The following CYP20A1 variants were observed in gnomAD, a reference collection of about 807,000 sequenced individuals.
CYP20A1 encodes cytochrome P450 20A1.
CYP20A1 carries 61 observed loss-of-function variants against 61.4 expected under a neutral mutation model. The ratio of observed to expected loss-of-function variants is 0.99; its 90% CI spans 0.81 to 1.23. The LOEUF (loss-of-function observed/expected upper bound fraction) is 1.23. Ranked by LOEUF, CYP20A1 falls within the 50% of genes most tolerant of loss-of-function variation. The pLI is 0.00. For synonymous variants in CYP20A1, 193 were observed against 188.2 expected (o/e 1.03, Z -0.21); for missense variants, 530 against 542.4 (o/e 0.98, Z 0.23).
chr2:203,247,183 C>T (rs2066490719), intron 3 of CYP20A1, among the ~76,000 whole-genome samples: 1 of 152,084 alleles, frequency 6.6e-6, no homozygotes, highest in Non-Finnish European at 1.5e-5. Flanking sequence ...ATCTCTTGAA[C>T]CCCGGGGGCG....
chr2:203,250,414 G>C (rs2066616264), intron 3 of CYP20A1, among the ~76,000 whole-genome samples: 1 of 152,146 alleles, frequency 6.6e-6, no homozygotes, highest in Non-Finnish European at 1.5e-5. Context: ...GAGAGGTTAA[G>C]TTACTTGCCT....
rs578211069 is a variant in CYP20A1, at chr2:203,258,809, C to T, written c.432+6700C>T. ...TTTGCCATAGCTGTTCCTGTTACCT[C>T]TCATTTTCCTCCCTGGAGGCAGTTA... On this transcript the variant is annotated intron_variant, in intron 4 of 12. Coordinates refer to ENST00000356079, the MANE Select transcript of CYP20A1 (RefSeq NM_177538.3). Among the ~76,000 whole-genome samples, 20 of 152,288 alleles carry T rather than the reference C, an allele frequency of 1.3e-4. No individual in the cohort carries two copies. In the South Asian group the frequency reaches 4.1e-3, roughly 32 times the overall value.
At chr2:203,278,824 G>A in intron 7 of CYP20A1, 136 bp downstream of exon 7, 1 of 541,186 alleles carries the variant, frequency 1.8e-6, no homozygotes, top group Non-Finnish European at 3.3e-6. Context: ...AGGCCAACTT[G>A]GGCAATATAG....
At chr2:203,240,698 G>A (rs568310424) in intron 1 of CYP20A1, among the ~76,000 whole-genome samples, 2 of 152,272 alleles carry the variant, frequency 1.3e-5, no homozygotes, top group Admixed American at 6.5e-5. Flanking sequence ...GACACGCCTG[G>A]TGTGTTCCTG....
intron 8 of CYP20A1, among the ~76,000 whole-genome samples, chr2:203,280,584 G>A (rs1025683378): frequency 1.3e-5 from 2 of 152,178 alleles, no homozygotes; most frequent in African/African-American, 2.4e-5. Flanking sequence ...GCCTGTGGTT[G>A]CAGCCACTCG....
rs879910327 is a variant in CYP20A1 at position 203,266,416 on chromosome 2, A to G, written c.433-98A>G. On this transcript the variant is annotated intron_variant, in intron 4 of 12. Transcript: ENST00000356079. ...ACCTGAATGTTGACTTTGGTTACAG[A>G]GTTTAACTGTTTGCCATTAAATGAA... 4.8e-6 allele frequency: 5 copies of G among 1,047,738 alleles called. No individual in the cohort carries two copies. The African/African-American group carries it at 6.4e-5, about 13-fold the overall frequency. 64.9% of individuals were successfully genotyped at this position (1,047,738 alleles called of 1,614,324 possible). A position where few individuals can be genotyped will look rare whatever the true frequency, so the allele number is the denominator to read the frequency against.
intron 10 of CYP20A1, among the ~76,000 whole-genome samples, chr2:203,291,186 C>A (rs1260487168): frequency 6.6e-6 from 1 of 151,928 alleles, no homozygotes; most frequent in Non-Finnish European, 1.5e-5. Flanking sequence ...CCTCAGCTTC[C>A]CAAGTAGCTG....
chr2:203,242,480 G>T (rs1236658032), intron 1 of CYP20A1, among the ~76,000 whole-genome samples: 1 of 152,110 alleles, frequency 6.6e-6, no homozygotes, highest in African/African-American at 2.4e-5. Context: ...AGTCATAAAG[G>T]AGAAACTGAT....
intron 1 of CYP20A1, among the ~76,000 whole-genome samples, chr2:203,242,361 A>G (rs1025022532): frequency 3.9e-5 from 6 of 152,168 alleles, no homozygotes; most frequent in African/African-American, 1.4e-4. Context: ...TATCAAGTAT[A>G]GATAGCTCTT....
At position 203,303,585 on chromosome 2, in the gene CYP20A1, C is replaced by T. The variant is rs1043745433; in HGVS notation, c.*6677C>T. On this transcript the variant is annotated 3_prime_UTR_variant, in exon 13 of 13. Transcript: ENST00000356079. ...TGACAGGTGCCTCTAATCCCAGCTA[C>T]TCGGGAGGCTGAGGCAGGAGAATCG... 1.3e-5 allele frequency among the ~76,000 whole-genome samples: 2 copies of T among 151,868 alleles called. No individual in the cohort carries two copies. Among genetic ancestry groups the T allele is most frequent in the African/African-American group, 4.8e-5 (2 of 41,346 alleles).
chr2:203,296,935 A>G lies in CYP20A1; in HGVS notation c.*27A>G, dbSNP rs752749071. 10 of 1,340,104 alleles carry G rather than the reference A, an allele frequency of 7.5e-6. No individual in the cohort carries two copies. The South Asian group carries it at 9.6e-5, about 13-fold the overall frequency. 83.0% of individuals were successfully genotyped at this position (1,340,104 alleles called of 1,614,324 possible). A position where few individuals can be genotyped will look rare whatever the true frequency, so the allele number is the denominator to read the frequency against. On this transcript the variant is annotated 3_prime_UTR_variant, in exon 13 of 13. Transcript: ENST00000356079. ...ATTTTATACATTTAAAATCATTGTTAAATTGATTGAGGAAAACAACCATTT... is the reference window on the plus strand; with the variant it reads ...ATTTTATACATTTAAAATCATTGTTGAATTGATTGAGGAAAACAACCATTT...
In CYP20A1 at chr2:203,303,454, G is replaced by A. The variant is rs980958536; in HGVS notation, c.*6546G>A. ...GCCGGGCCTGTAATTCCAGCACTTT[G>A]GGAGGCCAAGGCAGGTGAATCACTT... On this transcript the variant is annotated 3_prime_UTR_variant, in exon 13 of 13. Transcript: ENST00000356079. 3.3e-5 allele frequency among the ~76,000 whole-genome samples: 5 copies of A among 152,174 alleles called. No homozygotes were observed. The highest frequency in any genetic ancestry group is 6.6e-5 in the Admixed American group (1 of 15,266).
chr2:203,305,004 C>CT lies in CYP20A1; in HGVS notation c.*8102dup, dbSNP rs1273695188. On this transcript the variant is annotated 3_prime_UTR_variant, in exon 13 of 13. Coordinates refer to ENST00000356079, the MANE Select transcript of CYP20A1 (RefSeq NM_177538.3). ...TTTTGTAAGAGCTTCAGGGAATAGG[C>CT]TTTTTTAAAGGGAATAGACTTATAG... Among the ~76,000 whole-genome samples, 6 of 151,840 alleles carry CT rather than the reference C, an allele frequency of 4.0e-5. No individual in the cohort carries two copies. Among genetic ancestry groups the CT allele is most frequent in the East Asian group, 3.9e-4 (2 of 5,176 alleles).
At chr2:203,270,709 C>T (rs1488136785) in intron 5 of CYP20A1, among the ~76,000 whole-genome samples, 3 of 141,060 alleles carry the variant, frequency 2.1e-5, no homozygotes, top group African/African-American at 7.8e-5. Flanking sequence ...CTTTAAGGGT[C>T]TTATATAAAT....
intron 4 of CYP20A1, among the ~76,000 whole-genome samples, chr2:203,263,662 C>T (rs961312703): frequency 1.3e-5 from 2 of 152,122 alleles, no homozygotes; most frequent in African/African-American, 2.4e-5. Context: ...ATTGTGCTTT[C>T]TTCTTTAGCT....
rs761704052 is a variant in CYP20A1, at chr2:203,252,036, A to C, written c.359A>C (p.Asn120Thr). 4.3e-6 allele frequency: 7 copies of C among 1,611,276 alleles called. No individual in the cohort carries two copies. In the East Asian group the frequency reaches 1.6e-4, roughly 36 times the overall value. ...YQSGGGSVSE[N>T]HMRKKLYENG... is the part of the protein sequence containing the mutation. ...TCTGGTGGTGGCAGTGTGAGTGAAA[A>C]CCACATGAGGAAAAAATTGTATGAA... is the stretch of plus-strand genomic sequence containing the variant. The change falls in exon 4 of 13, where the codon AAC becomes ACC. Residue 120 changes from asparagine (N) to threonine (T), a missense_variant. Physicochemically the swap from Asn to Thr is moderately conservative, Grantham distance 65. Coordinates refer to ENST00000356079, the MANE Select transcript of CYP20A1 (RefSeq NM_177538.3).
chr2:203,240,702 G>T (rs2066226960), intron 1 of CYP20A1, among the ~76,000 whole-genome samples: 1 of 152,172 alleles, frequency 6.6e-6, no homozygotes. Context: ...CGCCTGGTGT[G>T]TTCCTGGAAA....
At chr2:203,267,386 T>G (rs1006596904) in intron 5 of CYP20A1, among the ~76,000 whole-genome samples, 1 of 151,658 alleles carries the variant, frequency 6.6e-6, no homozygotes, top group African/African-American at 2.4e-5. Context: ...TAAGAAAAAC[T>G]AGCCAGGCAT....
intron 4 of CYP20A1, among the ~76,000 whole-genome samples, chr2:203,252,854 A>T (rs1446670438): frequency 6.6e-6 from 1 of 152,068 alleles, no homozygotes; most frequent in Non-Finnish European, 1.5e-5. Flanking sequence ...GATGAGCCTA[A>T]TTAGGGCCCT....
Sources: gnomAD v4.1 joint callset for allele counts (sites outside exome capture counted in the v4.1 genomes callset) on GRCh38, gnomAD v4.1.1 for gene constraint, MANE v1.5 for transcripts, NCBI Gene and HGNC (gene_info 2026-07-23, HGNC 2026-07-21) for gene names.